The following GPR173 variants were observed in gnomAD, a reference collection of about 807,000 sequenced individuals.
GPR173 encodes G protein-coupled receptor 173.
A neutral mutation model predicts 13.9 loss-of-function variants in GPR173; 2 were observed. That is an observed-to-expected ratio of 0.14 (90% CI 0.06 to 0.45). GPR173 has a LOEUF of 0.45. Ranked by LOEUF, GPR173 falls within the 20% of genes least tolerant of loss-of-function variation. GPR173 has a pLI of 0.98. For synonymous variants in GPR173, 131 were observed against 141.0 expected (o/e 0.93, Z 0.50); for missense variants, 202 against 340.5 (o/e 0.59, Z 3.20).
At chrX:53,065,921 G>A (rs1246866738) in intron 1 of GPR173, among the ~76,000 whole-genome samples, 6 of 109,854 alleles carry the variant, frequency 5.5e-5, no homozygotes, top group Non-Finnish European at 7.6e-5. Context: ...GCAACGTGAC[G>A]AAACCCTGTC....
chrX:53,060,132 C>T (rs1932103332), intron 1 of GPR173, among the ~76,000 whole-genome samples: 1 of 108,825 alleles, frequency 9.2e-6, no homozygotes, highest in African/African-American at 3.3e-5. Flanking sequence ...TCTACATATA[C>T]ACAAGAGGTA....
Position 53,062,569 on chromosome X carries a change from C to CTTTTTTTTTTTTTTTTTTTTTTTT in GPR173, c.-98+13087_-98+13088insTTTTTTTTTTTTTTTTTTTTTTTT, listed in dbSNP as rs1359629881. ...ACAGAAAAAAAAAAAACATTGTCTTCTTCTTTTTTTTTTTTTTTTTTTTTT... is the reference window on the plus strand; with the variant it reads ...ACAGAAAAAAAAAAAACATTGTCTTCTTTTTTTTTTTTTTTTTTTTTTTTTTCTTTTTTTTTTTTTTTTTTTTTT... On this transcript the variant is annotated intron_variant, in intron 1 of 1. Transcript: ENST00000332582. Among the ~76,000 whole-genome samples the CTTTTTTTTTTTTTTTTTTTTTTTT allele has an allele frequency of 2.7e-5, 2 of 74,671 alleles. 1 individual carries two copies. The highest frequency in any genetic ancestry group is 1.1e-4 in the African/African-American group (2 of 17,750). 64.8% of individuals were successfully genotyped at this position (74,671 alleles called of 115,157 possible).
intron 1 of GPR173, among the ~76,000 whole-genome samples, chrX:53,053,098 T>C (rs1931985699): frequency 8.9e-6 from 1 of 112,584 alleles, no homozygotes; most frequent in African/African-American, 3.2e-5. Context: ...TGTGGGCATG[T>C]TTTGTGAGTA....
rs894316777 is a variant in GPR173, at chrX:53,063,042, T to C, written c.-97-13483T>C. On this transcript the variant is annotated intron_variant, in intron 1 of 1. Coordinates refer to ENST00000332582, the MANE Select transcript of GPR173 (RefSeq NM_018969.6). ...CATTCGTGGTCCTGTAGTTCTGTGG[T>C]CTTGGGACAGCCCCACTCCCACAGT... Among the ~76,000 whole-genome samples, 10 of 110,184 alleles carry C rather than the reference T, an allele frequency of 9.1e-5. No individual in the cohort carries two copies. The South Asian group carries it at 1.5e-3, about 17-fold the overall frequency.
intron 1 of GPR173, among the ~76,000 whole-genome samples, chrX:53,051,713 G>A (rs928452785): frequency 1.8e-5 from 2 of 111,184 alleles, no homozygotes; most frequent in Non-Finnish European, 3.8e-5. Flanking sequence ...TATGTGTGTG[G>A]CATCAGTTTT....
Position 53,079,932 on chromosome X carries a change from C to G in GPR173, c.*2189C>G, listed in dbSNP as rs1345654474. Reference sequence around the variant, plus strand: ...AAGATGGGCCTCCCTTGGCCCAGGCCCTGAGCACGGGAGGGCTGGGGCCGC... The same window carrying G: ...AAGATGGGCCTCCCTTGGCCCAGGCGCTGAGCACGGGAGGGCTGGGGCCGC... On this transcript the variant is annotated 3_prime_UTR_variant, in exon 2 of 2. Transcript: ENST00000332582. 4 of 122,586 alleles carry G rather than the reference C, an allele frequency of 3.3e-5. No individual in the cohort carries two copies. The highest frequency in any genetic ancestry group is 7.5e-5 in the Non-Finnish European group (4 of 53,030). The allele number at this position is 122,586 out of a possible 1,213,427, so 10.1% of individuals were successfully genotyped here.
chrX:53,069,438 G>A (rs1430855434), intron 1 of GPR173, among the ~76,000 whole-genome samples: 1 of 112,164 alleles, frequency 8.9e-6, no homozygotes, highest in Non-Finnish European at 1.9e-5. Flanking sequence ...CTTTGCACAT[G>A]GTTGCTCTGG....
chrX:53,065,417 A>T (rs1225483590), intron 1 of GPR173: 1 of 112,346 alleles, frequency 8.9e-6, no homozygotes, highest in Non-Finnish European at 1.9e-5. Context: ...CATCAGGTGC[A>T]GTTACTAGTG....
chrX:53,055,941 CTG>C (rs1466085160), intron 1 of GPR173, among the ~76,000 whole-genome samples: 3 of 103,804 alleles, frequency 2.9e-5, no homozygotes, highest in Non-Finnish European at 6.0e-5. Flanking sequence ...ATGTGTGTGT[CTG>C]TGTGTGTGGA....
chrX:53,075,788 A>G (rs1556805731), intron 1 of GPR173, among the ~76,000 whole-genome samples: 1 of 110,766 alleles, frequency 9.0e-6, no homozygotes, highest in African/African-American at 3.3e-5. Context: ...CTCATCATGA[A>G]TAAAGAAATC....
chrX:53,080,467 C>T lies in GPR173; in HGVS notation c.*2724C>T, dbSNP rs149342262. On this transcript the variant is annotated 3_prime_UTR_variant, in exon 2 of 2. Transcript: ENST00000332582. Reference sequence around the variant, plus strand: ...CACCCATTCCTGATCCCATCCTCCCCGCCCCCTACACAGGCACCCACTCTC... The same window carrying T: ...CACCCATTCCTGATCCCATCCTCCCTGCCCCCTACACAGGCACCCACTCTC... 820 of 121,604 alleles carry T rather than the reference C, an allele frequency of 6.7e-3. 8 individuals are homozygous for T. The highest frequency in any genetic ancestry group is 6.0e-3 in the Non-Finnish European group (315 of 52,863). 10.0% of individuals were successfully genotyped at this position (121,604 alleles called of 1,213,427 possible).
intron 1 of GPR173, among the ~76,000 whole-genome samples, chrX:53,067,823 CA>C (rs58304820): frequency 3.9e-5 from 3 of 77,462 alleles, no homozygotes; most frequent in Non-Finnish European, 4.7e-5. Flanking sequence ...GACTCCATCT[CA>C]AAAAAAAAAA....
chrX:53,077,826 A>T lies in GPR173; in HGVS notation c.*83A>T, dbSNP rs976169130. The T allele has an allele frequency of 2.1e-5, 17 of 792,430 alleles. No homozygotes were observed. In the African/African-American group the frequency reaches 3.1e-4, roughly 15 times the overall value. The allele number at this position is 792,430 out of a possible 1,213,427, so 65.3% of individuals were successfully genotyped here. A position where few individuals can be genotyped will look rare whatever the true frequency, so the allele number is the denominator to read the frequency against. ...CAGCAAGGGAGGGGTAGGGGCCCAT[A>T]CAGGAGTCCTCCTTTCTGAGCTCCA... On this transcript the variant is annotated 3_prime_UTR_variant, in exon 2 of 2. Transcript: ENST00000332582.
chrX:53,064,339 C>T lies in GPR173; in HGVS notation c.-97-12186C>T, dbSNP rs1448488773. Among the ~76,000 whole-genome samples, 5 of 111,540 alleles carry T rather than the reference C, an allele frequency of 4.5e-5. No individual in the cohort carries two copies. In the East Asian group the frequency reaches 8.5e-4, roughly 19 times the overall value. Reference sequence around the variant, plus strand: ...ATCCCAGCGCTTTGGTAGGCCAAGGCGGGAGGATTGCTTGAGGTCAGGAGT... The same window carrying T: ...ATCCCAGCGCTTTGGTAGGCCAAGGTGGGAGGATTGCTTGAGGTCAGGAGT... On this transcript the variant is annotated intron_variant, in intron 1 of 1. Coordinates refer to ENST00000332582, the MANE Select transcript of GPR173 (RefSeq NM_018969.6).
chrX:53,075,262 C>T (rs782712906), intron 1 of GPR173, among the ~76,000 whole-genome samples: 11 of 107,344 alleles, frequency 1.0e-4, no homozygotes, highest in Non-Finnish European at 1.7e-4. Context: ...ACTCTCTCAC[C>T]TCCCTTAGGT....
intron 1 of GPR173, among the ~76,000 whole-genome samples, chrX:53,052,602 CGTGTGTGTGTGTGT>C (rs781878545): frequency 3.0e-5 from 3 of 100,494 alleles, no homozygotes; most frequent in Non-Finnish European, 6.1e-5. Flanking sequence ...CACACACACA[CGTGTGTGTGTGTGT>C]GTGTGTGTGT....
intron 1 of GPR173, among the ~76,000 whole-genome samples, chrX:53,074,875 T>G (rs1462609927): frequency 9.8e-6 from 1 of 101,695 alleles, no homozygotes; most frequent in Admixed American, 1.2e-4. Flanking sequence ...GGAGGGGGCA[T>G]TATCTGTCAC....
chrX:53,058,424 CGTGTGTGTGTGTGTGT>C (rs112505843), intron 1 of GPR173, among the ~76,000 whole-genome samples: 3 of 100,932 alleles, frequency 3.0e-5, no homozygotes, highest in African/African-American at 1.1e-4. Context: ...TCCAGGTGCA[CGTGTGTGTGTGTGTGT>C]GTGTGTGTGT....
At position 53,078,018 on chromosome X, in the gene GPR173, G is replaced by GTCTCTC. The variant is rs370688515; in HGVS notation, c.*298_*303dup. 37 of 256,769 alleles carry GTCTCTC rather than the reference G, an allele frequency of 1.4e-4. No homozygotes were observed. Among genetic ancestry groups the GTCTCTC allele is most frequent in the African/African-American group, 3.1e-4 (10 of 32,220 alleles). 21.2% of individuals were successfully genotyped at this position (256,769 alleles called of 1,213,427 possible). A position where few individuals can be genotyped will look rare whatever the true frequency, so the allele number is the denominator to read the frequency against. On this transcript the variant is annotated 3_prime_UTR_variant, in exon 2 of 2. Coordinates refer to ENST00000332582, the MANE Select transcript of GPR173 (RefSeq NM_018969.6). ...TCTCATTCTCTCTCTCTCTCTCTCT[G>GTCTCTC]TCTCTCTCTCTCTCTCTCTCTCTCT... is the stretch of plus-strand genomic sequence containing the variant.
Sources: gnomAD v4.1 joint callset for allele counts (sites outside exome capture counted in the v4.1 genomes callset) on GRCh38, gnomAD v4.1.1 for gene constraint, MANE v1.5 for transcripts, NCBI Gene and HGNC (gene_info 2026-07-23, HGNC 2026-07-21) for gene names.